KIT: variants seen among roughly 807,000 people sequenced by gnomAD.
The protein encoded by KIT is mast/stem cell growth factor receptor Kit.
KIT carries 16 observed loss-of-function variants against 105.7 expected under a neutral mutation model. The ratio of observed to expected loss-of-function variants is 0.15; its 90% CI spans 0.10 to 0.23. The LOEUF is 0.23. Ranked by LOEUF, KIT falls within the 10% of genes least tolerant of loss-of-function variation. KIT has a pLI of 1.00. For synonymous variants in KIT, 438 were observed against 441.1 expected (o/e 0.99, Z 0.09); for missense variants, 858 against 1,213.8 (o/e 0.71, Z 4.36).
In KIT at chr4:54,703,788, C is replaced by T. The variant is rs138585275; in HGVS notation, c.821C>T (p.Thr274Met). The T allele has an allele frequency of 4.2e-4, 678 of 1,613,308 alleles. 1 individual carries two copies. The highest frequency in any genetic ancestry group is 7.2e-4 in the Admixed American group (43 of 60,008). The change falls in exon 5 of 21, where the codon ACG becomes ATG. Residue 274 changes from threonine (T) to methionine (M), a missense_variant. By Grantham distance (81) the Thr-to-Met change is moderately conservative. Coordinates refer to ENST00000288135, the MANE Select transcript of KIT (RefSeq NM_000222.3). ...HGDFNYERQA[T>M]LTISSARVND... Reference sequence around the variant, plus strand: ...GACTTCAATTATGAACGTCAGGCAACGTTGACTATCAGTTCAGCGAGAGTT... The same window carrying T: ...GACTTCAATTATGAACGTCAGGCAATGTTGACTATCAGTTCAGCGAGAGTT...
At chr4:54,677,990 A>G (rs1304001609) in intron 1 of KIT, among the ~76,000 whole-genome samples, 2 of 152,134 alleles carry the variant, frequency 1.3e-5, no homozygotes, top group Non-Finnish European at 2.9e-5. Flanking sequence ...TCACTATTTT[A>G]TTTGCACGTT....
chr4:54,672,420 T>C (rs962597196), intron 1 of KIT, among the ~76,000 whole-genome samples: 2 of 152,186 alleles, frequency 1.3e-5, no homozygotes, highest in Non-Finnish European at 2.9e-5. Flanking sequence ...ATTTGTATTT[T>C]TGGTTTTAAT....
chr4:54,730,280 T>A lies in KIT; in HGVS notation c.2141+795T>A, dbSNP rs138528434. ...TCCCCTATACTGTATATTGCTGCAG[T>A]TGTGTGGTAGATTTCTCCTATCCTT... is the stretch of plus-strand genomic sequence containing the variant. On this transcript the variant is annotated intron_variant, in intron 14 of 20. Transcript: ENST00000288135. Among the ~76,000 whole-genome samples, 254 of 152,142 alleles carry A rather than the reference T, an allele frequency of 1.7e-3. 1 individual carries two copies. The highest frequency in any genetic ancestry group is 5.7e-3 in the African/African-American group (237 of 41,520).
chr4:54,697,262 T>C (rs143861545), intron 2 of KIT, among the ~76,000 whole-genome samples: 2 of 152,340 alleles, frequency 1.3e-5, no homozygotes, highest in East Asian at 3.9e-4. Context: ...GCATAATTTA[T>C]CTTGGAAAAC....
At chr4:54,736,970 A>G (rs894036902) in intron 19 of KIT, 150 bp downstream of exon 19, 7 of 748,052 alleles carry the variant, frequency 9.4e-6, no homozygotes, top group African/African-American at 1.8e-5. Context: ...TCATTTCTGT[A>G]GTTTATTTTC....
intron 1 of KIT, among the ~76,000 whole-genome samples, chr4:54,685,838 A>C (rs932837919): frequency 6.6e-6 from 1 of 152,136 alleles, no homozygotes; most frequent in Non-Finnish European, 1.5e-5. Context: ...GGCTGCACAC[A>C]TCACTTGTTT....
chr4:54,719,846 C>T (rs948758539), intron 7 of KIT, among the ~76,000 whole-genome samples: 1 of 152,138 alleles, frequency 6.6e-6, no homozygotes, highest in Admixed American at 6.5e-5. Flanking sequence ...CCACCTGGCT[C>T]ATTCTTTATG....
At chr4:54,727,969 G>A in intron 12 of KIT, 42 bp downstream of exon 12, 1 of 1,612,276 alleles carries the variant, frequency 6.2e-7, no homozygotes, top group Non-Finnish European at 8.5e-7. Context: ...ACATCAGTTT[G>A]CCAGTTGTGC....
intron 1 of KIT, among the ~76,000 whole-genome samples, chr4:54,672,879 C>T (rs1466252048): frequency 6.6e-6 from 1 of 152,098 alleles, no homozygotes; most frequent in African/African-American, 2.4e-5. Context: ...TCCACAACGG[C>T]GAGTGTGTAG....
chr4:54,663,995 C>T (rs115975617), intron 1 of KIT, among the ~76,000 whole-genome samples: 151 of 152,094 alleles, frequency 9.9e-4, no homozygotes, highest in Middle Eastern at 3.4e-3. Flanking sequence ...GAGCACAGCC[C>T]CTGATTCGAA....
chr4:54,659,597 G>A (rs190395660), intron 1 of KIT, among the ~76,000 whole-genome samples: 20 of 152,276 alleles, frequency 1.3e-4, no homozygotes, highest in African/African-American at 4.1e-4. Flanking sequence ...GGGGGGCAGA[G>A]AGGCCTTGCA....
At chr4:54,685,221 C>A (rs544847242) in intron 1 of KIT, among the ~76,000 whole-genome samples, 1 of 152,256 alleles carries the variant, frequency 6.6e-6, no homozygotes, top group Admixed American at 6.5e-5. Context: ...ACACCACTAC[C>A]ACCCTCTGTG....
chr4:54,695,875 A>G, intron 2 of KIT, 94 bp downstream of exon 2: 1 of 1,471,154 alleles, frequency 6.8e-7, no homozygotes, highest in Non-Finnish European at 9.4e-7. Flanking sequence ...GCCATAGATA[A>G]AATATTTCTG....
At chr4:54,670,036 A>T (rs185674059) in intron 1 of KIT, among the ~76,000 whole-genome samples, 2 of 152,228 alleles carry the variant, frequency 1.3e-5, no homozygotes, top group African/African-American at 4.8e-5. Flanking sequence ...AGTTTCTGTA[A>T]CTTCAGAGCA....
chr4:54,659,541 A>G (rs1717087131), intron 1 of KIT, among the ~76,000 whole-genome samples: 1 of 152,208 alleles, frequency 6.6e-6, no homozygotes, highest in African/African-American at 2.4e-5. Context: ...CTCCAGGCGC[A>G]GTCTGCAGCG....
chr4:54,691,106 G>A (rs1391273408), intron 1 of KIT, among the ~76,000 whole-genome samples: 1 of 152,152 alleles, frequency 6.6e-6, no homozygotes, highest in Non-Finnish European at 1.5e-5. Context: ...TTTCTTGGTG[G>A]AGCAGCAGAA....
At chr4:54,690,009 T>A (rs1719581049) in intron 1 of KIT, among the ~76,000 whole-genome samples, 1 of 150,836 alleles carries the variant, frequency 6.6e-6, no homozygotes, top group Non-Finnish European at 1.5e-5. Flanking sequence ...GCATACTGTT[T>A]GCAAGGTTCA....
chr4:54,707,329 CT>C (rs772552121), intron 6 of KIT, 42 bp downstream of exon 6: 14 of 1,328,968 alleles, frequency 1.1e-5, no homozygotes, highest in African/African-American at 1.4e-5. Context: ...ACATTACCCC[CT>C]TTTCCAGTGG....
chr4:54,699,043 G>C (rs1355729258), intron 3 of KIT, among the ~76,000 whole-genome samples: 1 of 152,182 alleles, frequency 6.6e-6, no homozygotes. Context: ...ACTTGTTATG[G>C]TTGTGCCGTT....
Sources: allele counts gnomAD v4.1 joint callset (sites outside exome capture counted in the v4.1 genomes callset), GRCh38; gene constraint gnomAD v4.1.1; transcripts MANE v1.5; gene names NCBI Gene and HGNC (gene_info 2026-07-23, HGNC 2026-07-21).